Variants in KCNK10 observed in about 807,000 individuals in gnomAD.
The protein encoded by KCNK10 is potassium channel subfamily K member 10.
KCNK10 carries 25 observed loss-of-function variants against 47.7 expected under a neutral mutation model. That is an observed-to-expected ratio of 0.52 (90% CI 0.38 to 0.73). The LOEUF (loss-of-function observed/expected upper bound fraction) is 0.73, where lower values mean the gene tolerates loss of function less well. KCNK10 is among the 30% of genes least tolerant of loss of function. The pLI, the probability that KCNK10 is intolerant of heterozygous loss-of-function variation, is 0.00. For missense variants in KCNK10, 563 were observed against 714.5 expected, an observed-to-expected ratio of 0.79 and a Z score of 2.42; for synonymous variants, 303 against 285.6, an observed-to-expected ratio of 1.06 and a Z score of -0.61.
At chr14:88,225,009 T>C (rs895284265) in intron 4 of KCNK10, among the ~76,000 whole-genome samples, 13 of 152,188 alleles carry the variant, frequency 8.5e-5, no homozygotes, top group Non-Finnish European at 1.8e-4. Context: ...TTAACACTCA[T>C]TGAGCAGAAG....
intron 1 of KCNK10, among the ~76,000 whole-genome samples, chr14:88,274,565 A>AAAAAAAAAAAAAC: frequency 6.6e-6 from 1 of 150,636 alleles, no homozygotes; most frequent in South Asian, 2.1e-4. Flanking sequence ...AAAAAAAAAA[A>AAAAAAAAAAAAAC]AGATCTTATG....
intron 1 of KCNK10, among the ~76,000 whole-genome samples, chr14:88,313,706 T>C (rs2139802555): frequency 6.6e-6 from 1 of 152,344 alleles, no homozygotes; most frequent in Non-Finnish European, 1.5e-5. Context: ...GACAGACTCC[T>C]AGTCAGACCA....
chr14:88,209,928 T>G (rs1212038608), intron 4 of KCNK10, among the ~76,000 whole-genome samples: 5 of 152,200 alleles, frequency 3.3e-5, no homozygotes, highest in Non-Finnish European at 7.3e-5. Context: ...ACATTTAGCT[T>G]TAAGCCCCTA....
At chr14:88,292,801 T>G (rs1887909661) in intron 1 of KCNK10, among the ~76,000 whole-genome samples, 1 of 152,026 alleles carries the variant, frequency 6.6e-6, no homozygotes, top group African/African-American at 2.4e-5. Flanking sequence ...CCCAGCTAGT[T>G]TTTGTATTTT....
intron 3 of KCNK10, among the ~76,000 whole-genome samples, chr14:88,237,773 G>A (rs947753429): frequency 1.3e-5 from 2 of 152,154 alleles, no homozygotes; most frequent in Non-Finnish European, 2.9e-5. Flanking sequence ...CAGATGTGCT[G>A]TCATCCAGGC....
intron 6 of KCNK10, among the ~76,000 whole-genome samples, chr14:88,187,628 C>A (rs978320170): frequency 6.9e-6 from 1 of 145,908 alleles, no homozygotes; most frequent in Non-Finnish European, 1.5e-5. Context: ...AGGCTGCACC[C>A]CCCCACACAC....
At chr14:88,293,752 C>T (rs143279617) in intron 1 of KCNK10, among the ~76,000 whole-genome samples, 160 of 151,928 alleles carry the variant, frequency 1.1e-3, no homozygotes, top group African/African-American at 3.7e-3. Context: ...CATAGCTCAC[C>T]GTAACTTTGA....
At chr14:88,213,934 T>TTAG (rs1885536986) in intron 4 of KCNK10, among the ~76,000 whole-genome samples, 1 of 140,064 alleles carries the variant, frequency 7.1e-6, no homozygotes, top group Non-Finnish European at 1.6e-5. Flanking sequence ...ATTATTATTA[T>TTAG]TATTATTATT....
At chr14:88,228,206 T>A (rs1377450382) in intron 3 of KCNK10, among the ~76,000 whole-genome samples, 2 of 152,180 alleles carry the variant, frequency 1.3e-5, no homozygotes, top group Non-Finnish European at 2.9e-5. Context: ...AACTACCTCT[T>A]GCATTGAGGG....
chr14:88,269,587 C>G (rs1344673993), intron 1 of KCNK10, among the ~76,000 whole-genome samples: 3 of 152,078 alleles, frequency 2.0e-5, no homozygotes, highest in African/African-American at 7.2e-5. Context: ...CAGATATATG[C>G]CACCATGCCC....
intron 4 of KCNK10, among the ~76,000 whole-genome samples, chr14:88,219,936 C>T (rs1019561313): frequency 2.6e-5 from 4 of 152,126 alleles, no homozygotes; most frequent in East Asian, 1.9e-4. Context: ...GTCCTTTGTC[C>T]GATACTTCCT....
At chr14:88,191,422 A>G (rs1228388491) in intron 5 of KCNK10, among the ~76,000 whole-genome samples, 1 of 151,864 alleles carries the variant, frequency 6.6e-6, no homozygotes, top group East Asian at 1.9e-4. Context: ...CAAAGTGTTC[A>G]CTTCTTGTAG....
intron 4 of KCNK10, among the ~76,000 whole-genome samples, chr14:88,193,735 AAATGATGCCACT>A (rs1595072843): frequency 6.6e-6 from 1 of 152,194 alleles, no homozygotes; most frequent in African/African-American, 2.4e-5. Context: ...GACTTGCATA[AAATGATGCCACT>A]AATGAGCCGA....
intron 2 of KCNK10, among the ~76,000 whole-genome samples, chr14:88,243,289 T>C (rs1886533128): frequency 6.6e-6 from 1 of 152,226 alleles, no homozygotes; most frequent in Admixed American, 6.5e-5. Context: ...ATTCTATCCT[T>C]TCCATAACTT....
chr14:88,310,150 T>C (rs1286164743), intron 1 of KCNK10, among the ~76,000 whole-genome samples: 1 of 7,250 alleles, frequency 1.4e-4, no homozygotes. Context: ...TTAATCCATA[T>C]CTCTCTCATA....
chr14:88,227,350 A>C (rs1425245200), intron 4 of KCNK10, 25 bp downstream of exon 4: 1 of 1,573,276 alleles, frequency 6.4e-7, no homozygotes, highest in Non-Finnish European at 8.6e-7. Flanking sequence ...CAGTGGTTAG[A>C]ATTTAAATAT....
intron 4 of KCNK10, among the ~76,000 whole-genome samples, chr14:88,208,749 C>G (rs1366985823): frequency 6.6e-6 from 1 of 151,980 alleles, no homozygotes; most frequent in Non-Finnish European, 1.5e-5. Flanking sequence ...TTTATTTTAA[C>G]CACATGATAT....
intron 4 of KCNK10, among the ~76,000 whole-genome samples, chr14:88,212,104 G>T (rs1885475663): frequency 1.1e-5 from 1 of 91,522 alleles, no homozygotes. Flanking sequence ...CTAACTGATA[G>T]TGAGAATATA....
intron 1 of KCNK10, among the ~76,000 whole-genome samples, chr14:88,297,851 A>G (rs1888017949): frequency 6.6e-6 from 1 of 152,242 alleles, no homozygotes; most frequent in Admixed American, 6.5e-5. Context: ...ATGCATGAAA[A>G]TGAATGGATG....
Sources: allele counts gnomAD v4.1 joint callset (sites outside exome capture counted in the v4.1 genomes callset), GRCh38; gene constraint gnomAD v4.1.1; transcripts MANE v1.5; gene names NCBI Gene and HGNC (gene_info 2026-07-23, HGNC 2026-07-21).